The following SDK1 variants were observed in gnomAD, a reference collection of about 807,000 sequenced individuals.
SDK1 encodes sidekick cell adhesion molecule 1, also known as protein sidekick-1.
SDK1 carries 157 observed loss-of-function variants against 245.5 expected under a neutral mutation model. The observed-to-expected ratio is 0.64, with a 90% CI of 0.56 to 0.73. The LOEUF (loss-of-function observed/expected upper bound fraction) is 0.73. SDK1 is among the 30% of genes least tolerant of loss of function. The probability of loss-of-function intolerance (pLI) is 0.00; values close to 1 mark genes in which losing one functional copy is unlikely to be tolerated. For synonymous variants in SDK1, 1,647 were observed against 1,278.5 expected (o/e 1.29, Z -6.15); for missense variants, 3,583 against 3,002.3 (o/e 1.19, Z -4.52).
At chr7:3,931,382 G>C (rs947129437) in intron 5 of SDK1, among the ~76,000 whole-genome samples, 1 of 152,162 alleles carries the variant, frequency 6.6e-6, no homozygotes, top group African/African-American at 2.4e-5. Flanking sequence ...CATGGTTTTA[G>C]ATGATCAATT....
intron 5 of SDK1, among the ~76,000 whole-genome samples, chr7:3,852,752 A>T (rs1359607155): frequency 7.2e-6 from 1 of 138,430 alleles, no homozygotes; most frequent in Non-Finnish European, 1.6e-5. Context: ...CTCCGTCTCA[A>T]AAAAAAAAAA....
At chr7:3,717,722 A>G (rs535685622) in intron 4 of SDK1, among the ~76,000 whole-genome samples, 14 of 152,332 alleles carry the variant, frequency 9.2e-5, no homozygotes, top group East Asian at 3.9e-4. Context: ...CTCAACCTAT[A>G]GATATATAAC....
rs201561105 is a variant in SDK1, at chr7:3,969,464, C to T, written c.1714+40C>T. 99 of 1,466,364 alleles carry T rather than the reference C, an allele frequency of 6.8e-5. No individual in the cohort carries two copies. The African/African-American group carries it at 1.1e-3, about 17-fold the overall frequency. 90.8% of individuals were successfully genotyped at this position (1,466,364 alleles called of 1,614,324 possible). A position where few individuals can be genotyped will look rare whatever the true frequency, so the allele number is the denominator to read the frequency against. On this transcript the variant is annotated intron_variant, in intron 11 of 44. Coordinates refer to ENST00000404826, the MANE Select transcript of SDK1 (RefSeq NM_152744.4). ...TCGCACGTCGGCCTTCTGTTAGCCA[C>T]GGTTTAATCATCACGTCATCGTGTG... is the stretch of plus-strand genomic sequence containing the variant.
In SDK1 at chr7:4,191,288, A is replaced by G. The variant is rs148441337; in HGVS notation, c.5098+12702A>G. On this transcript the variant is annotated intron_variant, in intron 35 of 44. Coordinates refer to ENST00000404826, the MANE Select transcript of SDK1 (RefSeq NM_152744.4). ...TGGGTGTCCTCCTGGCCCCCAGGCC[A>G]GGGTTCCCTTTCGTGCTCAGGCTTC... is the stretch of plus-strand genomic sequence containing the variant. Among the ~76,000 whole-genome samples the G allele has an allele frequency of 9.6e-3, 1,453 of 152,088 alleles. 24 individuals are homozygous for G. The highest frequency in any genetic ancestry group is 0.033 in the African/African-American group (1,372 of 41,452).
At chr7:3,480,151 G>A (rs1781470025) in intron 1 of SDK1, among the ~76,000 whole-genome samples, 1 of 152,134 alleles carries the variant, frequency 6.6e-6, no homozygotes, top group African/African-American at 2.4e-5. Flanking sequence ...TATCCAGGTG[G>A]GTCCAGTATA....
At chr7:3,899,498 A>G (rs1446835078) in intron 5 of SDK1, among the ~76,000 whole-genome samples, 2 of 152,208 alleles carry the variant, frequency 1.3e-5, no homozygotes, top group African/African-American at 4.8e-5. Context: ...TGGCTGCCCT[A>G]CAGCATTGGT....
chr7:3,734,457 G>A (rs1779265182), intron 4 of SDK1, among the ~76,000 whole-genome samples: 1 of 152,124 alleles, frequency 6.6e-6, no homozygotes, highest in South Asian at 2.1e-4. Context: ...ACTTATAGAT[G>A]GTGTTAAGAA....
chr7:3,933,638 G>C (rs539543346), intron 5 of SDK1, among the ~76,000 whole-genome samples: 4 of 152,128 alleles, frequency 2.6e-5, no homozygotes, highest in Non-Finnish European at 2.9e-5. Context: ...TTATCTAAAA[G>C]CATGGCAGAG....
intron 35 of SDK1, among the ~76,000 whole-genome samples, chr7:4,203,808 C>T (rs1369742756): frequency 2.6e-5 from 4 of 152,274 alleles, no homozygotes; most frequent in Non-Finnish European, 1.5e-5. Flanking sequence ...TTTCTCTCTT[C>T]CCTGCTGGTG....
intron 5 of SDK1, among the ~76,000 whole-genome samples, chr7:3,943,190 T>G (rs962202739): frequency 3.9e-5 from 6 of 152,168 alleles, no homozygotes; most frequent in Non-Finnish European, 1.5e-5. Flanking sequence ...AGACTTTTCC[T>G]GAAAATAGAA....
At chr7:3,713,513 C>G (rs570739561) in intron 4 of SDK1, among the ~76,000 whole-genome samples, 19 of 152,320 alleles carry the variant, frequency 1.2e-4, no homozygotes, top group East Asian at 3.9e-4. Flanking sequence ...GTCTCTCCCC[C>G]ACCCGCAGCA....
chr7:3,321,911 C>T (rs1038720244), intron 1 of SDK1, among the ~76,000 whole-genome samples: 11 of 149,160 alleles, frequency 7.4e-5, no homozygotes, highest in Admixed American at 1.3e-4. Context: ...GAAACTGTAG[C>T]GGAATGTATA....
chr7:3,928,136 C>A (rs1245373462), intron 5 of SDK1, among the ~76,000 whole-genome samples: 2 of 152,012 alleles, frequency 1.3e-5, no homozygotes, highest in African/African-American at 4.8e-5. Context: ...GATATAACTT[C>A]AAAAAAGGTA....
intron 44 of SDK1, among the ~76,000 whole-genome samples, chr7:4,249,390 A>T (rs1252409239): frequency 6.6e-6 from 1 of 152,220 alleles, no homozygotes; most frequent in African/African-American, 2.4e-5. Flanking sequence ...ACCAGGCCAC[A>T]CTGCTCCCAC....
At chr7:3,673,342 G>C (rs992826850) in intron 4 of SDK1, among the ~76,000 whole-genome samples, 4 of 152,196 alleles carry the variant, frequency 2.6e-5, no homozygotes, top group Admixed American at 6.5e-5. Flanking sequence ...AGTGTCAATA[G>C]AGACAAAAGG....
At chr7:4,210,814 C>A (rs1042275873) in intron 38 of SDK1, among the ~76,000 whole-genome samples, 1 of 152,206 alleles carries the variant, frequency 6.6e-6, no homozygotes, top group Non-Finnish European at 1.5e-5. Context: ...AGAGGTAACA[C>A]ACAGGTAATT....
intron 1 of SDK1, among the ~76,000 whole-genome samples, chr7:3,618,639 T>G (rs562061063): frequency 5.2e-4 from 79 of 152,380 alleles, no homozygotes; most frequent in Non-Finnish European, 5.0e-4. Flanking sequence ...ATGTCGTTTA[T>G]GTATGTATGT....
chr7:3,963,712 C>T (rs1187639709), intron 9 of SDK1, among the ~76,000 whole-genome samples: 31 of 113,770 alleles, frequency 2.7e-4, no homozygotes, highest in Middle Eastern at 5.4e-3. Flanking sequence ...AGCTACCTGA[C>T]CTGGACGTAT....
At chr7:4,184,293 C>T (rs1229830605) in intron 35 of SDK1, among the ~76,000 whole-genome samples, 1 of 152,194 alleles carries the variant, frequency 6.6e-6, no homozygotes, top group Non-Finnish European at 1.5e-5. Flanking sequence ...GCGTGCAGGT[C>T]CAAGCGTCGG....
Sources: allele counts gnomAD v4.1 joint callset (sites outside exome capture counted in the v4.1 genomes callset), GRCh38; gene constraint gnomAD v4.1.1; transcripts MANE v1.5; gene names NCBI Gene and HGNC (gene_info 2026-07-23, HGNC 2026-07-21).